Variants in RAPGEF6 observed in about 807,000 individuals in gnomAD.
RAPGEF6 encodes the protein Rap guanine nucleotide exchange factor 6.
Under a neutral mutation model 171.4 loss-of-function variants are expected in RAPGEF6, and 56 were observed. The observed-to-expected ratio is 0.33, with a 90% CI of 0.26 to 0.41. The LOEUF (loss-of-function observed/expected upper bound fraction) is 0.41. Among genes scored for constraint, RAPGEF6 ranks in the 10% least tolerant of loss-of-function variants. The pLI, the probability that RAPGEF6 is intolerant of heterozygous loss-of-function variation, is 1.00. For missense variants in RAPGEF6, 1,674 were observed against 1,921.4 expected, an observed-to-expected ratio of 0.87 and a Z score of 2.41; for synonymous variants, 692 against 650.1, an observed-to-expected ratio of 1.06 and a Z score of -0.98.
intron 1 of RAPGEF6, among the ~76,000 whole-genome samples, chr5:131,608,237 T>G (rs776890511): frequency 3.4e-4 from 51 of 152,196 alleles, no homozygotes; most frequent in Non-Finnish European, 1.3e-4. Context: ...ACCTAAAACA[T>G]TCACTATTTG....
intron 1 of RAPGEF6, among the ~76,000 whole-genome samples, chr5:131,606,693 G>A (rs1764612500): frequency 6.6e-6 from 1 of 152,210 alleles, no homozygotes; most frequent in South Asian, 2.1e-4. Context: ...CCCCACAGAT[G>A]TGGGTTGGCT....
chr5:131,551,371 G>A (rs1441143245), intron 5 of RAPGEF6, among the ~76,000 whole-genome samples: 4 of 152,054 alleles, frequency 2.6e-5, no homozygotes, highest in African/African-American at 9.7e-5. Context: ...AAATTAGCCA[G>A]GCGCGGTGGC....
At chr5:131,607,101 A>C (rs1764648368) in intron 1 of RAPGEF6, among the ~76,000 whole-genome samples, 1 of 152,206 alleles carries the variant, frequency 6.6e-6, no homozygotes, top group Non-Finnish European at 1.5e-5. Context: ...GGCAGTTAGA[A>C]TACCCTAAAT....
chr5:131,514,637 C>T (rs1026940046), intron 7 of RAPGEF6, among the ~76,000 whole-genome samples: 7 of 151,992 alleles, frequency 4.6e-5, no homozygotes, highest in African/African-American at 1.7e-4. Context: ...AATGGATAAT[C>T]TCAGTAAGGA....
intron 1 of RAPGEF6, among the ~76,000 whole-genome samples, chr5:131,611,104 G>A (rs998226650): frequency 6.6e-6 from 1 of 152,190 alleles, no homozygotes; most frequent in South Asian, 2.1e-4. Context: ...CACTGTTACA[G>A]TGCAGTCTAA....
chr5:131,434,975 G>A (rs1751928725), intron 24 of RAPGEF6, among the ~76,000 whole-genome samples: 1 of 152,192 alleles, frequency 6.6e-6, no homozygotes, highest in Non-Finnish European at 1.5e-5. Flanking sequence ...CCAATACCTA[G>A]AAATGTCATT....
At chr5:131,447,602 T>G (rs752379261) in intron 21 of RAPGEF6, among the ~76,000 whole-genome samples, 1 of 150,556 alleles carries the variant, frequency 6.6e-6, no homozygotes, top group Non-Finnish European at 1.5e-5. Context: ...AATTTTTATT[T>G]AGATGGTATT....
chr5:131,580,451 C>G (rs916198947), intron 4 of RAPGEF6, among the ~76,000 whole-genome samples: 2 of 152,118 alleles, frequency 1.3e-5, no homozygotes, highest in Non-Finnish European at 2.9e-5. Flanking sequence ...GAAGCTGGCT[C>G]CAGCCTCAGC....
At chr5:131,509,435 C>A (rs1443075978) in intron 8 of RAPGEF6, among the ~76,000 whole-genome samples, 2 of 151,784 alleles carry the variant, frequency 1.3e-5, no homozygotes, top group African/African-American at 4.8e-5. Context: ...CCCAGCTACT[C>A]AGGAGGCTGA....
chr5:131,552,681 G>T (rs919899032), intron 5 of RAPGEF6, among the ~76,000 whole-genome samples: 1 of 151,788 alleles, frequency 6.6e-6, no homozygotes, highest in Non-Finnish European at 1.5e-5. Flanking sequence ...GGCTGATCTC[G>T]AACTCCTGAT....
In RAPGEF6 at chr5:131,464,291, T is replaced by C. The variant is rs376485161; in HGVS notation, c.2240-10A>G. On this transcript the variant is annotated splice_polypyrimidine_tract_variant and intron_variant, in intron 17 of 27. Coordinates refer to ENST00000509018, the MANE Select transcript of RAPGEF6 (RefSeq NM_016340.6). ...ACTTGATCAGGGATATCTACATAAA[T>C]AGAAAGATATGCTTTGTTATTTTTT... 7 of 1,601,082 alleles carry C rather than the reference T, an allele frequency of 4.4e-6. No individual in the cohort carries two copies. The East Asian group carries it at 6.7e-5, about 15-fold the overall frequency.
intron 4 of RAPGEF6, among the ~76,000 whole-genome samples, chr5:131,584,766 C>A (rs1763149200): frequency 6.6e-6 from 1 of 152,176 alleles, no homozygotes; most frequent in Non-Finnish European, 1.5e-5. Context: ...GATTCCCTGG[C>A]CCACCAAACT....
At chr5:131,477,865 T>C (rs1426823422) in intron 16 of RAPGEF6, among the ~76,000 whole-genome samples, 1 of 152,184 alleles carries the variant, frequency 6.6e-6, no homozygotes, top group Non-Finnish European at 1.5e-5. Flanking sequence ...ATTCTCCTCA[T>C]GCATTCTTTT....
intron 4 of RAPGEF6, among the ~76,000 whole-genome samples, chr5:131,569,372 T>A (rs1762136121): frequency 6.6e-6 from 1 of 152,060 alleles, no homozygotes; most frequent in South Asian, 2.1e-4. Flanking sequence ...AGAAAAATAG[T>A]TAAAGGAGAC....
chr5:131,472,819 A>G, intron 16 of RAPGEF6, 75 bp from the exon 17 acceptor site: 4 of 1,299,586 alleles, frequency 3.1e-6, no homozygotes, highest in Non-Finnish European at 3.2e-6. Context: ...TTCCCTGTGC[A>G]CTAAGGCATA....
chr5:131,604,720 T>G, intron 1 of RAPGEF6, 27 bp from the exon 2 acceptor site: 3 of 1,583,104 alleles, frequency 1.9e-6, no homozygotes, highest in Non-Finnish European at 2.6e-6. Context: ...AAAAATTAGA[T>G]TATTTTTCAA....
chr5:131,626,859 C>T (rs1287181264), intron 1 of RAPGEF6, among the ~76,000 whole-genome samples: 1 of 152,160 alleles, frequency 6.6e-6, no homozygotes, highest in African/African-American at 2.4e-5. Flanking sequence ...TTAACAGCTT[C>T]TCTTTTAATT....
At chr5:131,465,386 A>T (rs1754262560) in intron 17 of RAPGEF6, among the ~76,000 whole-genome samples, 1 of 152,162 alleles carries the variant, frequency 6.6e-6, no homozygotes, top group African/African-American at 2.4e-5. Flanking sequence ...GCTAATATTT[A>T]ATATAATTAA....
At chr5:131,623,180 A>T (rs892023552) in intron 1 of RAPGEF6, among the ~76,000 whole-genome samples, 2 of 152,246 alleles carry the variant, frequency 1.3e-5, no homozygotes, top group Non-Finnish European at 2.9e-5. Context: ...ATAAACAGTT[A>T]AAATGGGCAT....
Sources: gnomAD v4.1 joint callset for allele counts (sites outside exome capture counted in the v4.1 genomes callset) on GRCh38, gnomAD v4.1.1 for gene constraint, MANE v1.5 for transcripts, NCBI Gene and HGNC (gene_info 2026-07-23, HGNC 2026-07-21) for gene names.